The following ADGRG7 variants were observed in gnomAD, a reference collection of about 807,000 sequenced individuals.
ADGRG7 encodes the protein G-protein coupled receptor 128.
ADGRG7 carries 82 observed loss-of-function variants against 88.6 expected under a neutral mutation model. The ratio of observed to expected loss-of-function variants is 0.93; its 90% confidence interval spans 0.77 to 1.11. ADGRG7 has a LOEUF of 1.11. Among genes scored for constraint, ADGRG7 ranks in the 50% most tolerant of loss-of-function variants. The pLI, the probability that ADGRG7 is intolerant of heterozygous loss-of-function variation, is 0.00. For synonymous variants in ADGRG7, 381 were observed against 345.2 expected (o/e 1.10, Z -1.15); for missense variants, 945 against 953.4 (o/e 0.99, Z 0.12).
chr3:100,644,858 A>G (rs189898257), intron 8 of ADGRG7, among the ~76,000 whole-genome samples: 232 of 152,276 alleles, frequency 1.5e-3, no homozygotes, highest in African/African-American at 5.1e-3. Flanking sequence ...AAGAAAGAAT[A>G]AAAAGAAACC....
chr3:100,669,528 C>A (rs1277563254), intron 15 of ADGRG7, among the ~76,000 whole-genome samples: 1 of 66,162 alleles, frequency 1.5e-5, no homozygotes, highest in African/African-American at 5.8e-5. Context: ...AGTGAGACTC[C>A]ATCTCAAAAA....
At chr3:100,689,200 C>A (rs1045566649) in intron 15 of ADGRG7, among the ~76,000 whole-genome samples, 8 of 151,984 alleles carry the variant, frequency 5.3e-5, no homozygotes, top group African/African-American at 1.9e-4. Context: ...GGATTGCAAC[C>A]CCTGCCTTTT....
chr3:100,623,534 T>TA (rs1007491517), intron 1 of ADGRG7, among the ~76,000 whole-genome samples: 3 of 152,180 alleles, frequency 2.0e-5, no homozygotes, highest in African/African-American at 7.2e-5. Context: ...TTCCAATTTT[T>TA]AAAAAAAATT....
chr3:100,622,709 A>G (rs1362825699), intron 1 of ADGRG7, among the ~76,000 whole-genome samples: 1 of 152,058 alleles, frequency 6.6e-6, no homozygotes, highest in Non-Finnish European at 1.5e-5. Context: ...CCTTTGTCAG[A>G]TATATGTACC....
At chr3:100,669,161 T>A in intron 15 of ADGRG7, 56 bp downstream of exon 15, 6 of 1,308,050 alleles carry the variant, frequency 4.6e-6, no homozygotes, top group Non-Finnish European at 5.1e-6. Context: ...AGATATCATC[T>A]TGATATCTTA....
chr3:100,629,403 T>A (rs553125718), intron 1 of ADGRG7, among the ~76,000 whole-genome samples, 195 bp from the exon 2 acceptor site: 1 of 152,046 alleles, frequency 6.6e-6, no homozygotes, highest in East Asian at 1.9e-4. Flanking sequence ...CTGGTATCCA[T>A]AGCATCTAGT....
intron 15 of ADGRG7, among the ~76,000 whole-genome samples, chr3:100,669,826 A>C (rs1409902825): frequency 6.6e-6 from 1 of 152,126 alleles, no homozygotes; most frequent in East Asian, 1.9e-4. Context: ...GCCTGAGGTC[A>C]GGAGTTCAAG....
At chr3:100,677,422 G>A (rs188465636) in intron 15 of ADGRG7, among the ~76,000 whole-genome samples, 1 of 152,092 alleles carries the variant, frequency 6.6e-6, no homozygotes, top group African/African-American at 2.4e-5. Context: ...AGTTGTTATA[G>A]TTATTTTGAT....
At chr3:100,634,215 G>C (rs1461271041) in intron 4 of ADGRG7, among the ~76,000 whole-genome samples, 1 of 152,168 alleles carries the variant, frequency 6.6e-6, no homozygotes. Context: ...ACAAGCAAGG[G>C]GGAGGAAGAG....
At chr3:100,619,883 C>G (rs1387221576) in intron 1 of ADGRG7, among the ~76,000 whole-genome samples, 2 of 152,146 alleles carry the variant, frequency 1.3e-5, no homozygotes, top group Non-Finnish European at 2.9e-5. Flanking sequence ...CTGAATAGAC[C>G]AATAACAGGC....
intron 3 of ADGRG7, among the ~76,000 whole-genome samples, chr3:100,631,653 A>C (rs1480513816): frequency 6.6e-6 from 1 of 152,162 alleles, no homozygotes; most frequent in Non-Finnish European, 1.5e-5. Flanking sequence ...TGTTTGATAA[A>C]ACTACTGCCG....
chr3:100,612,335 C>T (rs1322432283), intron 1 of ADGRG7, among the ~76,000 whole-genome samples: 1 of 151,966 alleles, frequency 6.6e-6, no homozygotes, highest in Non-Finnish European at 1.5e-5. Context: ...TATTATAATA[C>T]CTATAGTTTT....
intron 13 of ADGRG7, among the ~76,000 whole-genome samples, chr3:100,659,332 C>T (rs542530949): frequency 1.2e-4 from 18 of 145,600 alleles, no homozygotes; most frequent in East Asian, 8.5e-4. Flanking sequence ...CCCAGCTACT[C>T]GGGAGGCTGA....
At chr3:100,640,817 G>A (rs769969570) in intron 6 of ADGRG7, among the ~76,000 whole-genome samples, 11 of 152,072 alleles carry the variant, frequency 7.2e-5, no homozygotes, top group South Asian at 2.1e-4. Context: ...CCACCGCGAC[G>A]GGCTGACCTC....
intron 6 of ADGRG7, among the ~76,000 whole-genome samples, chr3:100,639,244 A>G (rs1319878204): frequency 6.6e-6 from 1 of 152,124 alleles, no homozygotes; most frequent in Non-Finnish European, 1.5e-5. Flanking sequence ...GGACATTTAC[A>G]TTGCTGGAAG....
At chr3:100,619,409 T>C (rs1372684905) in intron 1 of ADGRG7, among the ~76,000 whole-genome samples, 2 of 152,078 alleles carry the variant, frequency 1.3e-5, no homozygotes, top group African/African-American at 4.8e-5. Flanking sequence ...TTCAAAGCAG[T>C]GTGTAGAGGG....
At chr3:100,618,832 A>T (rs1576311637) in intron 1 of ADGRG7, among the ~76,000 whole-genome samples, 1 of 152,052 alleles carries the variant, frequency 6.6e-6, no homozygotes, top group Non-Finnish European at 1.5e-5. Flanking sequence ...CACAATATTG[A>T]TTCTTCCTAC....
intron 13 of ADGRG7, among the ~76,000 whole-genome samples, chr3:100,658,776 C>T (rs2094940915): frequency 6.6e-6 from 1 of 152,150 alleles, no homozygotes. Flanking sequence ...CCATGGCATT[C>T]GTCACCATCT....
chr3:100,650,770 G>A (rs1487507704), intron 11 of ADGRG7, among the ~76,000 whole-genome samples: 1 of 152,120 alleles, frequency 6.6e-6, no homozygotes, highest in Non-Finnish European at 1.5e-5. Flanking sequence ...GAGGCTGCAT[G>A]ATATCCTGTT....
Sources: allele counts gnomAD v4.1 joint callset (sites outside exome capture counted in the v4.1 genomes callset), GRCh38; gene constraint gnomAD v4.1.1; transcripts MANE v1.5; gene names NCBI Gene and HGNC (gene_info 2026-07-23, HGNC 2026-07-21).